Variants in TRPM1 observed in about 807,000 individuals in gnomAD.
TRPM1 encodes TRPM1-203 APA Isoform, Intron 10.
TRPM1 carries 113 observed loss-of-function variants against 149.4 expected under a neutral mutation model. The ratio of observed to expected loss-of-function variants is 0.76; its 90% CI spans 0.65 to 0.88. The LOEUF is 0.88. Among genes scored for constraint, TRPM1 ranks in the 40% least tolerant of loss-of-function variants. The pLI is 0.00. For synonymous variants in TRPM1, 741 were observed against 759.5 expected (o/e 0.98, Z 0.40); for missense variants, 1,976 against 2,038.7 (o/e 0.97, Z 0.59).
At chr15:31,082,750 A>G (rs1359980185) in intron 1 of TRPM1, among the ~76,000 whole-genome samples, 2 of 152,206 alleles carry the variant, frequency 1.3e-5, no homozygotes, top group African/African-American at 4.8e-5. Context: ...AAACCTTTGT[A>G]CCATCTGGGT....
At chr15:31,108,722 G>A (rs187407708) in intron 1 of TRPM1, among the ~76,000 whole-genome samples, 8 of 152,304 alleles carry the variant, frequency 5.3e-5, no homozygotes, top group Non-Finnish European at 8.8e-5. Context: ...TCGAACTCCC[G>A]ACCTCAGGTG....
intron 17 of TRPM1, 127 bp downstream of exon 17, chr15:31,041,824 T>G: frequency 1.9e-6 from 2 of 1,056,970 alleles, no homozygotes; most frequent in South Asian, 1.3e-5. Context: ...ACAGACGAAG[T>G]GATTTGTGAA....
At chr15:31,132,548 G>A (rs918122759) in intron 1 of TRPM1, among the ~76,000 whole-genome samples, 7 of 152,344 alleles carry the variant, frequency 4.6e-5, no homozygotes, top group East Asian at 1.9e-4. Context: ...TTCAGAGGAC[G>A]TGAGGGCATG....
At chr15:31,008,069 C>G (rs147684119) in intron 27 of TRPM1, among the ~76,000 whole-genome samples, 4 of 152,044 alleles carry the variant, frequency 2.6e-5, no homozygotes, top group South Asian at 4.1e-4. Flanking sequence ...AATTCTAGGA[C>G]GTTTTCATTT....
In TRPM1 at chr15:31,029,365, A is replaced by G. The variant is rs758015239; in HGVS notation, c.3148+6T>C. The G allele has an allele frequency of 6.2e-7, 1 of 1,613,780 alleles. No individual in the cohort carries two copies. Among genetic ancestry groups the G allele is most frequent in the South Asian group, 1.1e-5 (1 of 91,064 alleles). On this transcript the variant is annotated splice_donor_region_variant and intron_variant, in intron 24 of 27. Transcript: ENST00000256552. ...GACTAGAATAATCAATTCCATGTAA[A>G]CTTACGATTAATTTCCATGGCGTAG...
At chr15:31,109,117 G>A (rs904075817) in intron 1 of TRPM1, among the ~76,000 whole-genome samples, 1 of 152,064 alleles carries the variant, frequency 6.6e-6, no homozygotes, top group Non-Finnish European at 1.5e-5. Context: ...AGGAAGCACT[G>A]CAATCAGCTT....
At position 31,041,491 on chromosome 15, in the gene TRPM1, C is replaced by T. The variant is rs1479673852; in HGVS notation, c.2087+460G>A. On this transcript the variant is annotated intron_variant, in intron 17 of 27. Transcript: ENST00000256552. ...CCAGAGCCTCACCTGCTGGTTTGAT[C>T]AGAGCCTGACTGACCCAGGGGAAGC... Among the ~76,000 whole-genome samples, 5 of 152,230 alleles carry T rather than the reference C, an allele frequency of 3.3e-5. No homozygotes were observed. In the East Asian group the frequency reaches 9.7e-4, roughly 29 times the overall value.
chr15:31,079,271 C>A (rs1014916207), intron 2 of TRPM1, among the ~76,000 whole-genome samples: 9 of 152,210 alleles, frequency 5.9e-5, no homozygotes, highest in Non-Finnish European at 8.8e-5. Context: ...ATTATTATCT[C>A]CCAGTTTCTA....
intron 27 of TRPM1, among the ~76,000 whole-genome samples, chr15:31,024,289 A>T (rs892600418): frequency 6.6e-6 from 1 of 152,218 alleles, no homozygotes; most frequent in South Asian, 2.1e-4. Flanking sequence ...TGATTTTTAA[A>T]GTAGTCACAG....
At chr15:31,067,283 C>A (rs2034405256) in intron 5 of TRPM1, 96 bp from the exon 6 acceptor site, 1 of 1,552,416 alleles carries the variant, frequency 6.4e-7, no homozygotes, top group South Asian at 1.1e-5. Flanking sequence ...TCCCTACATT[C>A]CCTACAGATC....
In TRPM1 at chr15:31,149,524, C is replaced by CTTT. The variant is rs34420721; in HGVS notation, c.54+11381_54+11382insAAA. On this transcript the variant is annotated intron_variant, in intron 1 of 26. Transcript: ENST00000542188. ...TAGCTCGTCATGTGCATCTCTCTCT[C>CTTT]TCTTTTTTTTTTTTTTTTTGAGACG... Among the ~76,000 whole-genome samples the CTTT allele has an allele frequency of 7.5e-3, 969 of 128,792 alleles. 37 individuals are homozygous for CTTT. Among genetic ancestry groups the CTTT allele is most frequent in the African/African-American group, 0.028 (892 of 31,584 alleles). 84.5% of individuals were successfully genotyped at this position (128,792 alleles called of 152,430 possible).
chr15:31,089,654 A>T (rs2035168816), intron 1 of TRPM1, among the ~76,000 whole-genome samples: 1 of 152,162 alleles, frequency 6.6e-6, no homozygotes, highest in Non-Finnish European at 1.5e-5. Context: ...AGGCCCAGCT[A>T]CCCTGGGACG....
At chr15:31,006,820 C>A (rs953437127) in intron 27 of TRPM1, among the ~76,000 whole-genome samples, 19 of 151,970 alleles carry the variant, frequency 1.3e-4, no homozygotes, top group Middle Eastern at 3.2e-3. Context: ...CTCTTGTATT[C>A]GGTGTGTAGA....
At chr15:31,105,435 CTGTGTGTGTGTGTGTG>C (rs10525947), upstream of TRPM1, among the ~76,000 whole-genome samples, 233 of 148,686 alleles carry the variant, frequency 1.6e-3, 1 homozygote, top group African/African-American at 5.3e-3. Context: ...CTGTGTGTCT[CTGTGTGTGTGTGTGTG>C]TGTGTGTGTG....
intron 20 of TRPM1, among the ~76,000 whole-genome samples, 172 bp downstream of exon 20, chr15:31,037,539 C>T (rs556745101): frequency 1.1e-4 from 16 of 152,250 alleles, no homozygotes; most frequent in South Asian, 8.3e-4. Context: ...GACAGGATAT[C>T]GAGATCCAAT....
At chr15:31,005,992 A>C (rs1162813855) in intron 27 of TRPM1, among the ~76,000 whole-genome samples, 3 of 152,226 alleles carry the variant, frequency 2.0e-5, no homozygotes, top group African/African-American at 7.2e-5. Context: ...GCTCATAGTG[A>C]GATATGATTA....
intron 7 of TRPM1, 51 bp downstream of exon 7, chr15:31,066,025 C>A (rs2034364375): frequency 2.5e-6 from 4 of 1,590,976 alleles, no homozygotes; most frequent in Non-Finnish European, 8.6e-7. Flanking sequence ...GCCTTGTTTC[C>A]ACTGTGATGG....
At chr15:31,010,976 G>A (rs535963329) in intron 27 of TRPM1, among the ~76,000 whole-genome samples, 1 of 152,180 alleles carries the variant, frequency 6.6e-6, no homozygotes, top group South Asian at 2.1e-4. Context: ...GTTTATAATT[G>A]TTATATCTTT....
At chr15:31,069,784 T>C (rs777490948) in intron 4 of TRPM1, 1 of 1,457,668 alleles carries the variant, frequency 6.9e-7, no homozygotes, top group South Asian at 1.4e-5. Context: ...CAGAGCCTGG[T>C]TTGTGGATTC....
Sources: allele counts gnomAD v4.1 joint callset (sites outside exome capture counted in the v4.1 genomes callset), GRCh38; gene constraint gnomAD v4.1.1; transcripts MANE v1.5; gene names NCBI Gene and HGNC (gene_info 2026-07-23, HGNC 2026-07-21).